Variants in PTPN23 observed in about 807,000 individuals in gnomAD.
The protein encoded by PTPN23 is tyrosine-protein phosphatase non-receptor type 23.
In PTPN23, 72 loss-of-function variants were observed where a neutral mutation model predicts 156.3. The ratio of observed to expected loss-of-function variants is 0.46; its 90% CI spans 0.38 to 0.56. The LOEUF (loss-of-function observed/expected upper bound fraction) is 0.56, where lower values mean the gene tolerates loss of function less well. Ranked by LOEUF, PTPN23 falls within the 20% of genes least tolerant of loss-of-function variation. The probability of loss-of-function intolerance (pLI) is 0.00; values close to 1 mark genes in which losing one functional copy is unlikely to be tolerated. For missense variants in PTPN23, 1,974 were observed against 2,171.5 expected, an observed-to-expected ratio of 0.91 and a Z score of 1.81; for synonymous variants, 957 against 899.6, an observed-to-expected ratio of 1.06 and a Z score of -1.14.
At position 47,412,053 on chromosome 3, in the gene PTPN23, C is replaced by T. The variant is rs1170528190; in HGVS notation, c.4074-41C>T. 2.5e-6 allele frequency: 4 copies of T among 1,610,936 alleles called. No individual in the cohort carries two copies. The Admixed American group carries it at 6.7e-5, about 27-fold the overall frequency. ...GGAGGGATGAGAGCCTCAGGTCAGG[C>T]CTGGCTCATAGGCTCTTCCTGGCCC... On this transcript the variant is annotated intron_variant, in intron 21 of 24. Coordinates refer to ENST00000265562, the MANE Select transcript of PTPN23 (RefSeq NM_015466.4).
chr3:47,401,966 G>A lies in PTPN23; in HGVS notation c.160-2686G>A, dbSNP rs1010741876. On this transcript the variant is annotated intron_variant, in intron 2 of 24. Coordinates refer to ENST00000265562, the MANE Select transcript of PTPN23 (RefSeq NM_015466.4). ...GCATCCCTGCTGGCAGCTCAGAGCCGAGCTCCCAGAGTGGAGTGTCCTGGA... is the reference window on the plus strand; with the variant it reads ...GCATCCCTGCTGGCAGCTCAGAGCCAAGCTCCCAGAGTGGAGTGTCCTGGA... Among the ~76,000 whole-genome samples the A allele has an allele frequency of 7.2e-5, 11 of 152,262 alleles. No individual in the cohort carries two copies. In the South Asian group the frequency reaches 1.4e-3, roughly 20 times the overall value.
chr3:47,405,799 G>A lies in PTPN23; in HGVS notation c.414+1G>A. 6.3e-7 allele frequency: 1 copy of A among 1,591,042 alleles called. No homozygotes were observed. ...CATGGACAAGCGGGTGTCTGAGGAG[G>A]TGAGGAGAGGGGCAGTAGTGGAACA... is the stretch of plus-strand genomic sequence containing the variant. On this transcript the variant is annotated splice_donor_variant, in intron 5 of 24. Transcript: ENST00000265562. LOFTEE classifies it high-confidence loss of function. This position sits in a 1 kb window ranked among gnomAD's most constrained non-coding sequence, Gnocchi z 4.7.
rs566426320 is a variant in PTPN23 at position 47,389,579 on chromosome 3, G to A, written c.85-6564G>A. Among the ~76,000 whole-genome samples the A allele has an allele frequency of 2.0e-5, 3 of 152,264 alleles. No individual in the cohort carries two copies. The East Asian group carries it at 5.8e-4, about 29-fold the overall frequency. ...ACCAGGGCCTGGCGCAGTGGCTCACGCCTGTAATCCCCGCACTTTGGGAGG... is the reference window on the plus strand; with the variant it reads ...ACCAGGGCCTGGCGCAGTGGCTCACACCTGTAATCCCCGCACTTTGGGAGG... On this transcript the variant is annotated intron_variant, in intron 1 of 24. Transcript: ENST00000265562.
chr3:47,392,467 A>G (rs907808850), intron 1 of PTPN23, among the ~76,000 whole-genome samples: 1 of 152,054 alleles, frequency 6.6e-6, no homozygotes, highest in African/African-American at 2.4e-5. Flanking sequence ...GATTATAGTC[A>G]TGAGCCATCA....
intron 1 of PTPN23, among the ~76,000 whole-genome samples, chr3:47,386,786 A>G (rs1239497535): frequency 6.6e-6 from 1 of 152,098 alleles, no homozygotes; most frequent in African/African-American, 2.4e-5. Flanking sequence ...CTGTCTGTTC[A>G]CTTGTATTTG....
intron 1 of PTPN23, among the ~76,000 whole-genome samples, chr3:47,392,383 C>T (rs559494404): frequency 1.7e-4 from 26 of 150,874 alleles, no homozygotes; most frequent in East Asian, 3.9e-4. Context: ...ATGGGGGTCT[C>T]GCCATATTGC....
intron 1 of PTPN23, among the ~76,000 whole-genome samples, chr3:47,394,964 G>A (rs1323729669): frequency 1.3e-5 from 2 of 152,150 alleles, no homozygotes; most frequent in Non-Finnish European, 2.9e-5. Context: ...GGACTTTCAG[G>A]AGCTGAAACC....
chr3:47,411,571 C>G lies in PTPN23; in HGVS notation c.3773C>G (p.Pro1258Arg), dbSNP rs146178681. 9 of 1,612,600 alleles carry G rather than the reference C, an allele frequency of 5.6e-6. No homozygotes were observed. Among genetic ancestry groups the G allele is most frequent in the South Asian group, 2.2e-5 (2 of 91,076 alleles). The change falls in exon 20 of 25, where the codon CCG becomes CGG. Residue 1258 changes from proline (P) to arginine (R), a missense_variant. Transcript: ENST00000265562. The surrounding 1 kb of genome is among the most constrained non-coding windows in gnomAD (Gnocchi z 6.3). ...GAGGGGCTCTCCCCATACTGCCCCCCGCTAGTGGCAACCCAGGCCCCACTG... is the reference window on the plus strand; with the variant it reads ...GAGGGGCTCTCCCCATACTGCCCCCGGCTAGTGGCAACCCAGGCCCCACTG... ...CVEGLSPYCP[P>R]LVATQAPLPG...
rs1705125038 is a variant in PTPN23, at chr3:47,406,430, C to T, written c.627+25C>T. On this transcript the variant is annotated intron_variant, in intron 7 of 24. Coordinates refer to ENST00000265562, the MANE Select transcript of PTPN23 (RefSeq NM_015466.4). This position sits in a 1 kb window ranked among gnomAD's most constrained non-coding sequence, Gnocchi z 5.8. The stretch of plus-strand genomic sequence containing the variant: ...GGTAGGGACGGGGCTGAGGGGAGGC[C>T]TTCACTTTACTGCTGACTCCCCCAC... 3 of 1,613,802 alleles carry T rather than the reference C, an allele frequency of 1.9e-6. No individual in the cohort carries two copies. The highest frequency in any genetic ancestry group is 2.5e-6 in the Non-Finnish European group (3 of 1,179,950).
At position 47,412,798 on chromosome 3, in the gene PTPN23, G is replaced by A. The variant is rs776628485; in HGVS notation, c.4524G>A (p.Arg1508=). 2 of 1,613,460 alleles carry A rather than the reference G, an allele frequency of 1.2e-6. No individual in the cohort carries two copies. The highest frequency in any genetic ancestry group is 1.7e-6 in the Non-Finnish European group (2 of 1,179,906). ...CCACCATTGCCAAGCTCAGCATTCG[G>A]CCTCCTGGGGGGTTGGAGTCCCCGG... The part of the protein sequence containing the change: ...IQATIAKLSI[R]PPGGLESPVA... The change falls in exon 25 of 25, where the codon CGG becomes CGA. Residue 1508 remains arginine (R), a synonymous_variant. Coordinates refer to ENST00000265562, the MANE Select transcript of PTPN23 (RefSeq NM_015466.4).
chr3:47,401,838 G>A (rs1704999847), intron 2 of PTPN23, among the ~76,000 whole-genome samples: 1 of 152,198 alleles, frequency 6.6e-6, no homozygotes, highest in Non-Finnish European at 1.5e-5. Flanking sequence ...AAGAGACTGA[G>A]TTTCAGAGTC....
In PTPN23 at chr3:47,406,462, G is replaced by A. The variant is rs758818922; in HGVS notation, c.628-19G>A. 22 of 1,613,924 alleles carry A rather than the reference G, an allele frequency of 1.4e-5. No homozygotes were observed. The highest frequency in any genetic ancestry group is 4.0e-5 in the African/African-American group (3 of 75,018). On this transcript the variant is annotated intron_variant, in intron 7 of 24. Coordinates refer to ENST00000265562, the MANE Select transcript of PTPN23 (RefSeq NM_015466.4). This position sits in a 1 kb window ranked among gnomAD's most constrained non-coding sequence, Gnocchi z 5.8. ...TTACTGCTGACTCCCCCACTCATTG[G>A]GCCCCACCCTGTTCTCAGGTGGTAG...
intron 1 of PTPN23, among the ~76,000 whole-genome samples, chr3:47,392,334 C>T (rs1704791898): frequency 6.6e-6 from 1 of 151,870 alleles, no homozygotes; most frequent in African/African-American, 2.4e-5. Context: ...AGGCATGCAC[C>T]ACCACTCCTG....
In PTPN23 at chr3:47,408,729, C is replaced by T. The variant is rs762954975; in HGVS notation, c.1331-47C>T. The T allele has an allele frequency of 3.2e-6, 5 of 1,546,906 alleles. No homozygotes were observed. In the African/African-American group the frequency reaches 4.1e-5, roughly 13 times the overall value. Reference sequence around the variant, plus strand: ...CTCTTGGGGGAGGGGCCCATGGGTGCCCGGTCAGCCTGCCTCAGGGGCTGC... The same window carrying T: ...CTCTTGGGGGAGGGGCCCATGGGTGTCCGGTCAGCCTGCCTCAGGGGCTGC... On this transcript the variant is annotated intron_variant, in intron 15 of 24. Transcript: ENST00000265562.
chr3:47,409,176 G>A lies in PTPN23; in HGVS notation c.1656G>A (p.Val552=). ...TPALSPEDKA[V]LQNLKRILAK... Reference sequence around the variant, plus strand: ...TGCTGCCCACAGAGGACAAGGCCGTGCTGCAAAACCTAAAGCGCATCCTGG... The same window carrying A: ...TGCTGCCCACAGAGGACAAGGCCGTACTGCAAAACCTAAAGCGCATCCTGG... Residue 552 remains valine, a synonymous_variant, in exon 17 of 25, where the codon GTG becomes GTA. Transcript: ENST00000265562. 1 of 1,614,006 alleles carries A rather than the reference G, an allele frequency of 6.2e-7. No homozygotes were observed. The highest frequency in any genetic ancestry group is 1.1e-5 in the South Asian group (1 of 91,062).
chr3:47,412,075 G>T lies in PTPN23; in HGVS notation c.4074-19G>T. The T allele has an allele frequency of 6.2e-7, 1 of 1,612,702 alleles. No individual in the cohort carries two copies. The highest frequency in any genetic ancestry group is 8.5e-7 in the Non-Finnish European group (1 of 1,179,852). On this transcript the variant is annotated intron_variant, in intron 21 of 24. Transcript: ENST00000265562. ...AGGCCTGGCTCATAGGCTCTTCCTG[G>T]CCCCATCCTGTCCCACAGAGGCCTG...
Position 47,411,670 on chromosome 3 carries a change from A to G in PTPN23, c.3872A>G (p.Glu1291Gly). 1 of 1,603,712 alleles carries G rather than the reference A, an allele frequency of 6.2e-7. No individual in the cohort carries two copies. Residue 1291 changes from glutamate to glycine, a missense_variant, in exon 20 of 25, where the codon GAG becomes GGG. Physicochemically the swap from Glu to Gly is moderately conservative, Grantham distance 98. This residue lies in a region of PTPN23 where 484 missense variants were observed against 516.0 expected (regional missense o/e 0.94). Transcript: ENST00000265562. This position sits in a 1 kb window ranked among gnomAD's most constrained non-coding sequence, Gnocchi z 6.3. ...KVSVIVMLVS[E>G]AEMEKQKVAR... ...TCAGTCATTGTCATGCTGGTTTCTG[A>G]GGCTGAGATGGAGAAGGTGAGAAGA...
At chr3:47,387,403 C>CA (rs34969941) in intron 1 of PTPN23, among the ~76,000 whole-genome samples, 101,705 of 107,960 alleles carry the variant, frequency 0.94, 48,010 homozygotes, top group East Asian at 0.98. Context: ...CCTGTCTCTA[C>CA]AAAAAAAAAA....
intron 1 of PTPN23, among the ~76,000 whole-genome samples, chr3:47,395,348 C>CT (rs1704856854): frequency 6.6e-6 from 1 of 152,230 alleles, no homozygotes; most frequent in Non-Finnish European, 1.5e-5. Flanking sequence ...GTGAGTGGAT[C>CT]TGGCCTCCCA....
Sources: allele counts gnomAD v4.1 joint callset (sites outside exome capture counted in the v4.1 genomes callset), GRCh38; gene constraint gnomAD v4.1.1; regional missense constraint gnomAD v4.1.1; non-coding constraint Gnocchi (gnomAD v3.1); transcripts MANE v1.5; gene names NCBI Gene and HGNC (gene_info 2026-07-23, HGNC 2026-07-21).